CALY: variants seen among roughly 807,000 people sequenced by gnomAD.
CALY encodes the protein calcyon neuron specific vesicular protein.
CALY carries 15 observed loss-of-function variants against 20.2 expected under a neutral mutation model. That is an observed-to-expected ratio of 0.74 (90% CI 0.50 to 1.14). The LOEUF (loss-of-function observed/expected upper bound fraction) is 1.14. Ranked by LOEUF, CALY falls within the 50% of genes most tolerant of loss-of-function variation. The pLI is 0.00. For synonymous variants in CALY, 129 were observed against 131.8 expected (o/e 0.98, Z 0.15); for missense variants, 270 against 304.4 (o/e 0.89, Z 0.84).
chr10:133,333,292 TG>T (rs371029336), intron 1 of CALY, among the ~76,000 whole-genome samples: 5,671 of 36,630 alleles, frequency 0.15, 411 homozygotes, highest in Middle Eastern at 0.29. Context: ...ATTGAGGGGG[TG>T]GGGGGGGGGG....
chr10:133,328,715 TG>T, intron 2 of CALY, 139 bp downstream of exon 2: 1 of 972,728 alleles, frequency 1.0e-6, no homozygotes, highest in Non-Finnish European at 1.5e-6. Flanking sequence ...CATGGCCAGC[TG>T]GGGCTTTGGC....
chr10:133,325,742 G>A (rs1848191753), intron 5 of CALY, 57 bp downstream of exon 5: 2 of 775,572 alleles, frequency 2.6e-6, no homozygotes, highest in East Asian at 4.0e-5. Context: ...AAGCGGTGGC[G>A]GGAGGCCAGG....
At chr10:133,333,362 G>A (rs1402511513) in intron 1 of CALY, among the ~76,000 whole-genome samples, 1 of 143,188 alleles carries the variant, frequency 7.0e-6, no homozygotes, top group Non-Finnish European at 1.5e-5. Context: ...AGGATTGCGC[G>A]GGTGGGGGTG....
At chr10:133,335,470 C>T (rs1848423325) in intron 1 of CALY, among the ~76,000 whole-genome samples, 1 of 152,198 alleles carries the variant, frequency 6.6e-6, no homozygotes, top group Non-Finnish European at 1.5e-5. Flanking sequence ...TACGTCATCG[C>T]GGGTTTCCAT....
intron 3 of CALY, 186 bp downstream of exon 3, chr10:133,327,719 G>A: frequency 1.5e-6 from 1 of 688,962 alleles, no homozygotes; most frequent in South Asian, 1.5e-5. Context: ...AGCCTCGGGA[G>A]GGGGCCTGGT....
chr10:133,326,820 G>T, intron 4 of CALY, 58 bp downstream of exon 4: 1 of 1,169,324 alleles, frequency 8.6e-7, no homozygotes, highest in South Asian at 1.3e-5. Flanking sequence ...CCCCCTGCCT[G>T]GAGGCTACGG....
At chr10:133,336,061 G>A (rs1471791756) in intron 1 of CALY, among the ~76,000 whole-genome samples, 1 of 152,128 alleles carries the variant, frequency 6.6e-6, no homozygotes, top group Admixed American at 6.5e-5. Flanking sequence ...GGGCTTGTGC[G>A]GGCCGGGCAC....
intron 3 of CALY, chr10:133,327,555 A>AT: frequency 1.7e-6 from 1 of 580,342 alleles, no homozygotes; most frequent in African/African-American, 1.9e-5. Flanking sequence ...TATTTGCCAG[A>AT]TATACTGCAG....
At chr10:133,333,582 G>A (rs78557142) in intron 1 of CALY, among the ~76,000 whole-genome samples, 2 of 151,766 alleles carry the variant, frequency 1.3e-5, no homozygotes, top group Middle Eastern at 3.4e-3. Flanking sequence ...AGGATCCCAG[G>A]TGGGAAGGGT....
chr10:133,325,059 A>G lies in CALY; in HGVS notation c.*536T>C. ...CCCGGGAGGCAGACACTCCTGTCAG[A>G]GGGGGAACGCCCGGGGCCCAGGCCC... On this transcript the variant is annotated 3_prime_UTR_variant, in exon 6 of 6. Transcript: ENST00000252939. 4 of 152,842 alleles carry G rather than the reference A, an allele frequency of 2.6e-5. No individual in the cohort carries two copies. Among genetic ancestry groups the G allele is most frequent in the South Asian group, 2.1e-4 (1 of 4,796 alleles). 9.5% of individuals were successfully genotyped at this position (152,842 alleles called of 1,614,324 possible). A position where few individuals can be genotyped will look rare whatever the true frequency, so the allele number is the denominator to read the frequency against.
Position 133,324,888 on chromosome 10 carries a change from A to G in CALY, c.*707T>C, listed in dbSNP as rs1848178683. ...AGGGACACGGGAGACCCCAGCCCCC[A>G]GGAACCAGAGCTCACCCCTCATCAG... On this transcript the variant is annotated 3_prime_UTR_variant, in exon 6 of 6. Transcript: ENST00000252939. The G allele has an allele frequency of 1.1e-5, 3 of 275,136 alleles. No individual in the cohort carries two copies. Among genetic ancestry groups the G allele is most frequent in the South Asian group, 9.4e-5 (3 of 31,856 alleles). 17.0% of individuals were successfully genotyped at this position (275,136 alleles called of 1,614,324 possible). A position where few individuals can be genotyped will look rare whatever the true frequency, so the allele number is the denominator to read the frequency against.
intron 1 of CALY, among the ~76,000 whole-genome samples, chr10:133,333,287 G>A (rs538696759): frequency 7.3e-4 from 27 of 36,784 alleles, no homozygotes; most frequent in African/African-American, 2.5e-3. Flanking sequence ...GAAGGATTGA[G>A]GGGGTGGGGG....
chr10:133,334,556 GGGGGAGGCTCTGA>G (rs1848394541), intron 1 of CALY, among the ~76,000 whole-genome samples: 1 of 98,386 alleles, frequency 1.0e-5, no homozygotes, highest in Non-Finnish European at 2.2e-5. Context: ...AAGGCTCTGA[GGGGGAGGCTCTGA>G]GGGGGAAGGA....
intron 1 of CALY, among the ~76,000 whole-genome samples, chr10:133,331,795 T>C (rs1848313741): frequency 6.6e-6 from 1 of 152,170 alleles, no homozygotes; most frequent in East Asian, 1.9e-4. Context: ...TCATTTTATA[T>C]GGAAGGCAGA....
At chr10:133,328,117 G>A in intron 2 of CALY, 102 bp from the exon 3 acceptor site, 1 of 737,012 alleles carries the variant, frequency 1.4e-6, no homozygotes, top group Non-Finnish European at 2.4e-6. Context: ...CGTGGCAGTG[G>A]TGTTGACGCT....
intron 3 of CALY, 104 bp from the exon 4 acceptor site, chr10:133,327,095 T>C: frequency 1.3e-6 from 1 of 773,450 alleles, no homozygotes; most frequent in South Asian, 1.5e-5. Flanking sequence ...CGCCCTCCAG[T>C]CTTGATGCCC....
chr10:133,326,896 G>A lies in CALY; in HGVS notation c.342C>T (p.Pro114=), dbSNP rs540405492. 3.1e-6 allele frequency: 5 copies of A among 1,608,440 alleles called. No individual in the cohort carries two copies. The highest frequency in any genetic ancestry group is 2.2e-5 in the East Asian group (1 of 44,676). ...KAIWYDQFTC[P]DGFLLRHKIC... The stretch of plus-strand genomic sequence containing the variant: ...CCCTTACCCGCAGCAGGAAGCCGTC[G>A]GGGCAGGTGAACTGGTCGTACCAGA... The change falls in exon 4 of 6, where the codon CCC becomes CCT. Residue 114 remains proline (P), a synonymous_variant. Coordinates refer to ENST00000252939, the MANE Select transcript of CALY (RefSeq NM_015722.4).
At chr10:133,330,727 C>T (rs1444856446) in intron 1 of CALY, among the ~76,000 whole-genome samples, 1 of 147,624 alleles carries the variant, frequency 6.8e-6, no homozygotes, top group African/African-American at 2.5e-5. Context: ...CAGACAGCAT[C>T]ACCACAGCAT....
At position 133,326,147 on chromosome 10, in the gene CALY, G is replaced by A. The variant is rs536452964; in HGVS notation, c.361-27C>T. ...TGCGGGAGGGGCCGGGTCAGGGTCGGTGGGGCTGAGCCCTCCTGTGCGCCC... is the reference window on the plus strand; with the variant it reads ...TGCGGGAGGGGCCGGGTCAGGGTCGATGGGGCTGAGCCCTCCTGTGCGCCC... On this transcript the variant is annotated intron_variant, in intron 4 of 5. Coordinates refer to ENST00000252939, the MANE Select transcript of CALY (RefSeq NM_015722.4). 6.9e-6 allele frequency: 11 copies of A among 1,590,438 alleles called. No individual in the cohort carries two copies. In the African/African-American group the frequency reaches 1.5e-4, roughly 21 times the overall value.
Sources: allele counts gnomAD v4.1 joint callset (sites outside exome capture counted in the v4.1 genomes callset), GRCh38; gene constraint gnomAD v4.1.1; transcripts MANE v1.5; gene names NCBI Gene and HGNC (gene_info 2026-07-23, HGNC 2026-07-21).